OPCML: variants seen among roughly 807,000 people sequenced by gnomAD.
OPCML encodes opioid binding protein/cell adhesion molecule like.
OPCML carries 13 observed loss-of-function variants against 37.8 expected under a neutral mutation model. The ratio of observed to expected loss-of-function variants is 0.34; its 90% CI spans 0.22 to 0.55. The LOEUF (loss-of-function observed/expected upper bound fraction) is 0.55. Among genes scored for constraint, OPCML ranks in the 20% least tolerant of loss-of-function variants. OPCML has a pLI of 0.91. For missense variants in OPCML, 341 were observed against 435.6 expected, an observed-to-expected ratio of 0.78 and a Z score of 1.93; for synonymous variants, 176 against 168.8, an observed-to-expected ratio of 1.04 and a Z score of -0.33.
intron 1 of OPCML, among the ~76,000 whole-genome samples, chr11:133,225,499 G>A (rs991023056): frequency 1.3e-5 from 2 of 151,928 alleles, no homozygotes; most frequent in Admixed American, 1.3e-4. Context: ...TGCGAGTGCT[G>A]TATTAATTAA....
chr11:132,907,113 C>T (rs536415568), intron 2 of OPCML, among the ~76,000 whole-genome samples: 168 of 152,272 alleles, frequency 1.1e-3, no homozygotes, highest in African/African-American at 3.9e-3. Flanking sequence ...GTAAGAATTG[C>T]CATCCATTTT....
At chr11:133,294,414 T>C (rs975809906) in intron 1 of OPCML, among the ~76,000 whole-genome samples, 10 of 152,134 alleles carry the variant, frequency 6.6e-5, no homozygotes, top group Non-Finnish European at 7.4e-5. Flanking sequence ...TCTTTTCCTT[T>C]CCAGTCCTTA....
intron 3 of OPCML, among the ~76,000 whole-genome samples, chr11:132,596,929 G>T (rs2096493335): frequency 6.6e-6 from 1 of 152,144 alleles, no homozygotes; most frequent in South Asian, 2.1e-4. Context: ...TGCTTACACA[G>T]ATATCTACAG....
At chr11:132,995,941 A>C (rs564141225) in intron 1 of OPCML, among the ~76,000 whole-genome samples, 82 of 152,298 alleles carry the variant, frequency 5.4e-4, no homozygotes, top group Non-Finnish European at 9.0e-4. Context: ...AAATAAGATG[A>C]AATGTGATGC....
Position 133,064,220 on chromosome 11 carries a change from G to C in OPCML, c.62-121210C>G, listed in dbSNP as rs536707128. Among the ~76,000 whole-genome samples, 8 of 152,296 alleles carry C rather than the reference G, an allele frequency of 5.3e-5. No individual in the cohort carries two copies. In the South Asian group the frequency reaches 1.7e-3, roughly 32 times the overall value. On this transcript the variant is annotated intron_variant, in intron 1 of 7. Coordinates refer to ENST00000524381, the MANE Select transcript of OPCML (RefSeq NM_001012393.5). Reference sequence around the variant, plus strand: ...AACGCCGGCCCACTAGCCGACCCCAGCGCAACCCAGCGCGGTTCCCAGACG... The same window carrying C: ...AACGCCGGCCCACTAGCCGACCCCACCGCAACCCAGCGCGGTTCCCAGACG...
intron 1 of OPCML, among the ~76,000 whole-genome samples, chr11:132,969,094 C>T (rs1946282120): frequency 1.3e-5 from 2 of 151,840 alleles, no homozygotes; most frequent in Admixed American, 1.3e-4. Context: ...AGTCTTTTAC[C>T]CCTCACCCCC....
intron 3 of OPCML, among the ~76,000 whole-genome samples, chr11:132,563,312 G>T (rs1372786275): frequency 6.6e-6 from 1 of 151,996 alleles, no homozygotes; most frequent in African/African-American, 2.4e-5. Flanking sequence ...TGTGATACTT[G>T]GAGTATAAAG....
At position 132,435,227 on chromosome 11, in the gene OPCML, A is replaced by AAAC. The variant is rs1449539180; in HGVS notation, c.916+856_916+858dup. 8.5e-6 allele frequency: 11 copies of AAAC among 1,289,782 alleles called. No individual in the cohort carries two copies. The Admixed American group carries it at 2.5e-4, about 30-fold the overall frequency. 79.9% of individuals were successfully genotyped at this position (1,289,782 alleles called of 1,614,324 possible). A position where few individuals can be genotyped will look rare whatever the true frequency, so the allele number is the denominator to read the frequency against. ...ACAATGCACACACAATGCAGAGAGA[A>AAAC]AACAAAAGACATAGATCACACATTT... On this transcript the variant is annotated intron_variant, in intron 7 of 7. Transcript: ENST00000524381.
chr11:133,252,935 C>G (rs539364131), intron 1 of OPCML, among the ~76,000 whole-genome samples: 151 of 152,102 alleles, frequency 9.9e-4, no homozygotes, highest in African/African-American at 3.6e-3. Flanking sequence ...ATCACAAGGT[C>G]GAGAGTTCGA....
rs77643128 is a variant in OPCML at position 133,502,962 on chromosome 11, C to G, written c.61+29302G>C. On this transcript the variant is annotated intron_variant, in intron 1 of 7. Coordinates refer to ENST00000524381, the MANE Select transcript of OPCML (RefSeq NM_001012393.5). The stretch of plus-strand genomic sequence containing the variant: ...GTTTTAAAATCAGGACAGTTCCCAG[C>G]TAAGTTGTTCAGTACAAGATGCACA... Among the ~76,000 whole-genome samples the G allele has an allele frequency of 1.6e-3, 249 of 152,276 alleles. 1 individual carries two copies. The highest frequency in any genetic ancestry group is 5.8e-3 in the African/African-American group (243 of 41,558).
At chr11:133,251,012 G>A (rs1716170132) in intron 1 of OPCML, among the ~76,000 whole-genome samples, 1 of 152,090 alleles carries the variant, frequency 6.6e-6, no homozygotes, top group Non-Finnish European at 1.5e-5. Flanking sequence ...CATGCTGAGG[G>A]GAGAAGACGT....
At chr11:133,193,558 T>C (rs1938410853) in intron 1 of OPCML, among the ~76,000 whole-genome samples, 1 of 152,210 alleles carries the variant, frequency 6.6e-6, no homozygotes, top group Non-Finnish European at 1.5e-5. Context: ...AAACCACTAA[T>C]GGGCACTATT....
chr11:132,420,272 C>T lies in OPCML; in HGVS notation c.938G>A (p.Gly313Asp). The T allele has an allele frequency of 6.2e-7, 1 of 1,613,804 alleles. No individual in the cohort carries two copies. The highest frequency in any genetic ancestry group is 8.5e-7 in the Non-Finnish European group (1 of 1,179,818). Residue 313 changes from glycine to aspartate, a missense_variant, in exon 8 of 8, where the codon GGT (glycine) becomes GAT (aspartate). Coordinates refer to ENST00000524381, the MANE Select transcript of OPCML (RefSeq NM_001012393.5). ...CAGTGCTCTGGAGGCCGAGTTTACA[C>T]CATCAATGACTGCTCCAGGCCCTGT... The part of the protein sequence containing the change: ...TLYGPGAVID[G>D]VNSASRALAC...
intron 1 of OPCML, among the ~76,000 whole-genome samples, chr11:133,507,944 CT>C (rs1948070307): frequency 1.4e-5 from 2 of 141,250 alleles, no homozygotes; most frequent in Non-Finnish European, 3.0e-5. Flanking sequence ...GAAAGTATGT[CT>C]CAAAAAAAAA....
Position 132,417,022 on chromosome 11 carries a change from C to T in OPCML, c.*3171G>A, listed in dbSNP as rs183766878. 1 of 152,670 alleles carries T rather than the reference C, an allele frequency of 6.6e-6. No homozygotes were observed. The highest frequency in any genetic ancestry group is 1.9e-4 in the East Asian group (1 of 5,160). 9.5% of individuals were successfully genotyped at this position (152,670 alleles called of 1,614,324 possible). On this transcript the variant is annotated 3_prime_UTR_variant, in exon 8 of 8. Coordinates refer to ENST00000524381, the MANE Select transcript of OPCML (RefSeq NM_001012393.5). ...GTCCCTACATTGCTAATTCCTCTCA[C>T]CTAATCTCCTAACAGGACTTATTTG...
At chr11:133,113,625 G>T (rs530994236) in intron 1 of OPCML, among the ~76,000 whole-genome samples, 1 of 152,214 alleles carries the variant, frequency 6.6e-6, no homozygotes, top group Non-Finnish European at 1.5e-5. Context: ...CAAAGCTACA[G>T]CCAAACACTA....
chr11:132,611,224 G>T (rs1401128139), intron 3 of OPCML, among the ~76,000 whole-genome samples: 1 of 152,114 alleles, frequency 6.6e-6, no homozygotes, highest in Admixed American at 6.6e-5. Flanking sequence ...GAGTAACTTG[G>T]TCCCTAGATT....
At chr11:132,709,947 G>A (rs1406840061) in intron 2 of OPCML, among the ~76,000 whole-genome samples, 1 of 152,168 alleles carries the variant, frequency 6.6e-6, no homozygotes, top group African/African-American at 2.4e-5. Flanking sequence ...ACTTTCATGG[G>A]ATACATAGAT....
intron 2 of OPCML, among the ~76,000 whole-genome samples, chr11:132,808,051 C>T (rs977910209): frequency 2.0e-5 from 3 of 152,108 alleles, no homozygotes; most frequent in African/African-American, 7.2e-5. Context: ...TTTGATCAAG[C>T]TACATGAAAT....
Sources: allele counts gnomAD v4.1 joint callset (sites outside exome capture counted in the v4.1 genomes callset), GRCh38; gene constraint gnomAD v4.1.1; transcripts MANE v1.5; gene names NCBI Gene and HGNC (gene_info 2026-07-23, HGNC 2026-07-21).